FFAR1: variants seen among roughly 807,000 people sequenced by gnomAD.
FFAR1 encodes the protein free fatty acid receptor 1.
For missense variants in FFAR1, 424 were observed against 396.2 expected, an observed-to-expected ratio of 1.07 and a Z score of -0.60; for synonymous variants, 216 against 201.5, an observed-to-expected ratio of 1.07 and a Z score of -0.61.
exon 1 of FFAR1, chr19:35,352,158 G>A: frequency 1.2e-6 from 2 of 1,609,582 alleles, no homozygotes; most frequent in East Asian, 2.2e-5. Flanking sequence ...CTTCTGCTAC[G>A]TGGGCTGCCT....
Position 35,351,979 on chromosome 19 carries a change from G to A in FFAR1, c.428G>A (p.Gly143Glu), listed in dbSNP as rs376161472. The A allele has an allele frequency of 5.0e-5, 81 of 1,614,042 alleles. No individual in the cohort carries two copies. Among genetic ancestry groups the A allele is most frequent in the Non-Finnish European group, 6.8e-5 (80 of 1,179,998 alleles). ...CTGTGTCACCTGGGTCTGGTCTTTG[G>A]GTTGGAGGCTCCAGGAGGCTGGCTG... is the stretch of plus-strand genomic sequence containing the variant. Residue 143 changes from glycine to glutamate, a missense_variant, in exon 1 of 1, where the codon GGG (glycine) becomes GAG (glutamate). Transcript: ENST00000246553.
At chr19:35,352,316 C>T (rs1249874258) in exon 1 of FFAR1, 16 of 1,552,286 alleles carry the variant, frequency 1.0e-5, no homozygotes, top group African/African-American at 5.5e-5. Flanking sequence ...ATCTAGGAGG[C>T]TCCTGGCGGA....
chr19:35,349,808 TGACA>T (rs1194644249), upstream of FFAR1, among the ~76,000 whole-genome samples: 14 of 152,122 alleles, frequency 9.2e-5, no homozygotes, highest in East Asian at 1.2e-3. Context: ...AGAGACAGAC[TGACA>T]GACAGACAGA....
chr19:35,352,212 C>T lies in FFAR1; in HGVS notation c.661C>T (p.Arg221Trp), dbSNP rs376074468. The change falls in exon 1 of 1, where the codon CGG becomes TGG. Residue 221 changes from arginine (R) to tryptophan (W), a missense_variant. By Grantham distance (101) the Arg-to-Trp change is moderately radical. Transcript: ENST00000246553. ...CGGCCTGACGCACAGGCGGAAGCTG[C>T]GGGCCGCCTGGGTGGCCGGCGGGGC... is the stretch of plus-strand genomic sequence containing the variant. 1.8e-5 allele frequency: 29 copies of T among 1,587,402 alleles called. No individual in the cohort carries two copies. In the African/African-American group the frequency reaches 3.6e-4, roughly 20 times the overall value.
chr19:35,351,528 C>G (rs1349958491), upstream of FFAR1: 1 of 1,537,258 alleles, frequency 6.5e-7, no homozygotes, highest in South Asian at 1.2e-5. Context: ...ACACAGGAGC[C>G]GTGCAGGCCA....
At chr19:35,351,893 C>T (rs1034662709) in exon 1 of FFAR1, 2 of 1,613,968 alleles carry the variant, frequency 1.2e-6, no homozygotes, top group East Asian at 2.2e-5. Flanking sequence ...CCTTGGGCTA[C>T]CAAGCCTTCC....
At chr19:35,352,621 G>C in exon 1 of FFAR1, 1 of 699,734 alleles carries the variant, frequency 1.4e-6, no homozygotes, top group Non-Finnish European at 2.3e-6. Context: ...CCAGTCAAGA[G>C]AGGAGCACCG....
chr19:35,352,174 C>T (rs749630680), exon 1 of FFAR1: 7 of 1,608,114 alleles, frequency 4.4e-6, no homozygotes, highest in Non-Finnish European at 5.9e-6. Context: ...TGCCTCCGGG[C>T]ACTGGCCCGC....
At chr19:35,348,002 C>T (rs1008893753), upstream of FFAR1, among the ~76,000 whole-genome samples, 3 of 152,220 alleles carry the variant, frequency 2.0e-5, no homozygotes, top group Admixed American at 6.5e-5. Flanking sequence ...CTCCGCTTCT[C>T]GGGTTTGATC....
chr19:35,349,535 C>T (rs925761111), upstream of FFAR1, among the ~76,000 whole-genome samples: 5 of 152,256 alleles, frequency 3.3e-5, no homozygotes, highest in East Asian at 7.7e-4. Flanking sequence ...GTGCTGCTCT[C>T]GAGAAAAAGG....
chr19:35,352,170 C>T lies in FFAR1; in HGVS notation c.619C>T (p.Arg207Trp), dbSNP rs770395673. The change falls in exon 1 of 1, where the codon CGG (arginine) becomes TGG (tryptophan). Residue 207 changes from arginine (R) to tryptophan (W), a missense_variant. Arg to Trp is a moderately radical substitution (Grantham distance 101, BLOSUM62 -3). Coordinates refer to ENST00000246553, the Ensembl canonical transcript of FFAR1. ...AGCCTTCTGCTACGTGGGCTGCCTCCGGGCACTGGCCCGCTCCGGCCTGAC... is the reference window on the plus strand; with the variant it reads ...AGCCTTCTGCTACGTGGGCTGCCTCTGGGCACTGGCCCGCTCCGGCCTGAC... The T allele has an allele frequency of 1.9e-6, 3 of 1,608,602 alleles. No individual in the cohort carries two copies. Among genetic ancestry groups the T allele is most frequent in the East Asian group, 4.5e-5 (2 of 44,760 alleles).
At chr19:35,350,618 CCT>C (rs1395225927), upstream of FFAR1, among the ~76,000 whole-genome samples, 2 of 152,170 alleles carry the variant, frequency 1.3e-5, no homozygotes, top group Non-Finnish European at 2.9e-5. Context: ...CTCCCTGGCC[CCT>C]CTGTGTTCCT....
chr19:35,351,974 C>T (rs752284331), exon 1 of FFAR1: 15 of 1,614,164 alleles, frequency 9.3e-6, no homozygotes, highest in Middle Eastern at 1.6e-4. Flanking sequence ...TGGGTCTGGT[C>T]TTTGGGTTGG....
At chr19:35,349,060 C>T (rs1448816376), upstream of FFAR1, among the ~76,000 whole-genome samples, 1 of 152,186 alleles carries the variant, frequency 6.6e-6, no homozygotes, top group Non-Finnish European at 1.5e-5. Flanking sequence ...ACTCCAGACG[C>T]AGGCCGCCCT....
At chr19:35,351,826 CCGG>C in exon 1 of FFAR1, 1 of 1,608,936 alleles carries the variant, frequency 6.2e-7, no homozygotes, top group Non-Finnish European at 8.5e-7. Context: ...CCACTCTATG[CCGG>C]CGGGGGCTTC....
upstream of FFAR1, chr19:35,351,481 C>T (rs2066943941): frequency 5.6e-6 from 8 of 1,436,216 alleles, no homozygotes; most frequent in Non-Finnish European, 7.6e-6. Context: ...CCCTCCTCTC[C>T]GGGGCCCCAA....
exon 1 of FFAR1, chr19:35,351,668 C>A: frequency 1.3e-6 from 2 of 1,556,586 alleles, no homozygotes; most frequent in East Asian, 2.4e-5. Flanking sequence ...TCCGTCTCAC[C>A]CCTAGCCTGG....
At chr19:35,350,428 T>C (rs188595800), upstream of FFAR1, among the ~76,000 whole-genome samples, 128 of 152,294 alleles carry the variant, frequency 8.4e-4, no homozygotes, top group African/African-American at 3.0e-3. Flanking sequence ...GGTGAGCCAG[T>C]GAGGCCCGGG....
upstream of FFAR1, among the ~76,000 whole-genome samples, chr19:35,350,523 G>C (rs143074376): frequency 6.6e-6 from 1 of 152,102 alleles, no homozygotes; most frequent in African/African-American, 2.4e-5. Flanking sequence ...AGGGAATAGC[G>C]CTGGGTTGTG....
Sources: allele counts gnomAD v4.1 joint callset (sites outside exome capture counted in the v4.1 genomes callset), GRCh38; gene constraint gnomAD v4.1.1; transcripts MANE v1.5; gene names NCBI Gene and HGNC (gene_info 2026-07-23, HGNC 2026-07-21).